TM9SF4: variants seen among roughly 807,000 people sequenced by gnomAD.
TM9SF4 encodes dinucleotide oxidase disulfide thiol exchanger 3 superfamily member 4.
Under a neutral mutation model 90.4 loss-of-function variants are expected in TM9SF4, and 26 were observed. The observed-to-expected ratio is 0.29, with a 90% CI of 0.21 to 0.40. The LOEUF (loss-of-function observed/expected upper bound fraction) is 0.40, where lower values mean the gene tolerates loss of function less well. TM9SF4 is among the 10% of genes least tolerant of loss of function. The pLI, the probability that TM9SF4 is intolerant of heterozygous loss-of-function variation, is 1.00. For missense variants in TM9SF4, 549 were observed against 834.8 expected, an observed-to-expected ratio of 0.66 and a Z score of 4.22; for synonymous variants, 293 against 315.4, an observed-to-expected ratio of 0.93 and a Z score of 0.75.
At position 32,141,897 on chromosome 20, in the gene TM9SF4, TAG is replaced by T. The variant is rs759354402; in HGVS notation, c.528+5_528+6del. ...CTCGGCTTCACAGATGTCAACAAGG[TAG>T]AGTGTCTTTGGCGTGCTCACAGGAC... On this transcript the variant is annotated splice_donor_region_variant and intron_variant, in intron 5 of 17. Coordinates refer to ENST00000398022, the MANE Select transcript of TM9SF4 (RefSeq NM_014742.4). The T allele has an allele frequency of 5.0e-6, 8 of 1,613,670 alleles. No homozygotes were observed. The highest frequency in any genetic ancestry group is 6.8e-6 in the Non-Finnish European group (8 of 1,179,850).
intron 9 of TM9SF4, 81 bp from the exon 10 acceptor site, chr20:32,149,553 T>G: frequency 6.3e-7 from 1 of 1,596,606 alleles, no homozygotes; most frequent in Non-Finnish European, 8.6e-7. Context: ...CCTGAGGGTG[T>G]CAGCTGTCAC....
At chr20:32,127,582 CTTG>C (rs1303666317) in intron 1 of TM9SF4, among the ~76,000 whole-genome samples, 3 of 152,086 alleles carry the variant, frequency 2.0e-5, no homozygotes, top group South Asian at 2.1e-4. Flanking sequence ...ACTCTGGCTT[CTTG>C]TTGTTTTTTG....
chr20:32,164,704 C>T (rs1005641038), intron 17 of TM9SF4, among the ~76,000 whole-genome samples: 2 of 152,178 alleles, frequency 1.3e-5, no homozygotes, highest in Non-Finnish European at 2.9e-5. Flanking sequence ...CCTACTCAGG[C>T]CCTGGGCATA....
intron 3 of TM9SF4, among the ~76,000 whole-genome samples, chr20:32,139,766 A>G (rs1234630768): frequency 1.3e-5 from 2 of 152,204 alleles, no homozygotes; most frequent in Non-Finnish European, 2.9e-5. Flanking sequence ...TCTGCAGCTC[A>G]TCTGAGCCTT....
chr20:32,144,457 A>G (rs1015552390), intron 6 of TM9SF4, among the ~76,000 whole-genome samples: 8 of 152,208 alleles, frequency 5.3e-5, no homozygotes. Flanking sequence ...TTTTATGTTG[A>G]ATGGGACTGG....
At chr20:32,129,059 C>CA (rs1216302183) in intron 1 of TM9SF4, among the ~76,000 whole-genome samples, 3 of 150,724 alleles carry the variant, frequency 2.0e-5, no homozygotes, top group Admixed American at 6.6e-5. Flanking sequence ...TATAGATACA[C>CA]AAAAAAGGAA....
chr20:32,123,866 A>ATTTTTTTTTTTTTTTTT (rs1165240152), intron 1 of TM9SF4, among the ~76,000 whole-genome samples: 1 of 93,962 alleles, frequency 1.1e-5, no homozygotes, highest in African/African-American at 4.5e-5. Context: ...ATATATATAT[A>ATTTTTTTTTTTTTTTTT]TTTTTTTTTT....
chr20:32,156,227 TTATA>T (rs550371620), intron 13 of TM9SF4, among the ~76,000 whole-genome samples: 2 of 152,154 alleles, frequency 1.3e-5, no homozygotes, highest in African/African-American at 4.8e-5. Flanking sequence ...TCTAAACACT[TTATA>T]TATATATTTC....
intron 3 of TM9SF4, among the ~76,000 whole-genome samples, chr20:32,139,671 C>A (rs2046643320): frequency 6.6e-6 from 1 of 152,216 alleles, no homozygotes; most frequent in Non-Finnish European, 1.5e-5. Context: ...CTGTTAGAAA[C>A]CTTCATTGGA....
intron 1 of TM9SF4, among the ~76,000 whole-genome samples, chr20:32,114,803 G>T (rs1254714765): frequency 6.6e-6 from 1 of 152,232 alleles, no homozygotes; most frequent in East Asian, 1.9e-4. Flanking sequence ...GAACGCTGGA[G>T]CAGGAGCCAG....
chr20:32,110,325 C>A (rs1054811178), intron 1 of TM9SF4, among the ~76,000 whole-genome samples: 1 of 152,130 alleles, frequency 6.6e-6, no homozygotes, highest in Non-Finnish European at 1.5e-5. Flanking sequence ...CTACCCCACC[C>A]CCATCTTTCA....
At chr20:32,142,782 G>C (rs556692939) in intron 5 of TM9SF4, among the ~76,000 whole-genome samples, 200 bp from the exon 6 acceptor site, 27 of 152,338 alleles carry the variant, frequency 1.8e-4, no homozygotes, top group South Asian at 6.2e-4. Flanking sequence ...AGAAGGCCTT[G>C]AATGCCAGAC....
At chr20:32,121,627 C>T (rs2046308938) in intron 1 of TM9SF4, among the ~76,000 whole-genome samples, 1 of 152,162 alleles carries the variant, frequency 6.6e-6, no homozygotes, top group Admixed American at 6.5e-5. Context: ...AGGCAACCAT[C>T]CGATTTCTCG....
At chr20:32,144,289 G>T (rs2046727574) in intron 6 of TM9SF4, among the ~76,000 whole-genome samples, 1 of 152,176 alleles carries the variant, frequency 6.6e-6, no homozygotes, top group East Asian at 1.9e-4. Flanking sequence ...GCCCATAGTT[G>T]GTGCTTATTA....
intron 12 of TM9SF4, 54 bp downstream of exon 12, chr20:32,150,929 G>GA: frequency 6.3e-7 from 1 of 1,595,106 alleles, no homozygotes; most frequent in Non-Finnish European, 8.6e-7. Context: ...GCTTCTTCCT[G>GA]GGCTCCTCAG....
chr20:32,158,403 T>C (rs1247486933), intron 14 of TM9SF4, 48 bp from the exon 15 acceptor site: 1 of 1,601,434 alleles, frequency 6.2e-7, no homozygotes, highest in Admixed American at 1.7e-5. Context: ...GCTTGGGGCT[T>C]CCTGGTGGCC....
In TM9SF4 at chr20:32,165,412, C is replaced by G; in HGVS notation, c.1897C>G (p.Arg633Gly). 6.2e-7 allele frequency: 1 copy of G among 1,614,158 alleles called. No individual in the cohort carries two copies. The highest frequency in any genetic ancestry group is 8.5e-7 in the Non-Finnish European group (1 of 1,180,044). Residue 633 changes from arginine to glycine, a missense_variant, in exon 18 of 18, where the codon CGC (arginine) becomes GGC (glycine). Coordinates refer to ENST00000398022, the MANE Select transcript of TM9SF4 (RefSeq NM_014742.4). ...IGFYAAYMFVRKIYAAVKID is the reference protein window; with the variant it reads ...IGFYAAYMFVGKIYAAVKID ...CTTCTATGCAGCCTACATGTTTGTTCGCAAGATCTATGCTGCTGTGAAGAT... is the reference window on the plus strand; with the variant it reads ...CTTCTATGCAGCCTACATGTTTGTTGGCAAGATCTATGCTGCTGTGAAGAT...
chr20:32,155,502 TGTGA>T (rs1165835800), intron 13 of TM9SF4, among the ~76,000 whole-genome samples: 9 of 152,302 alleles, frequency 5.9e-5, no homozygotes, highest in Admixed American at 3.3e-4. Context: ...AGCTGCCCAG[TGTGA>T]GTTTATTAGG....
chr20:32,151,014 C>G, intron 12 of TM9SF4, 139 bp downstream of exon 12: 1 of 1,030,602 alleles, frequency 9.7e-7, no homozygotes, highest in Non-Finnish European at 1.4e-6. Flanking sequence ...AGGAGCAGCA[C>G]AGGTCCAAGG....
Sources: allele counts gnomAD v4.1 joint callset (sites outside exome capture counted in the v4.1 genomes callset), GRCh38; gene constraint gnomAD v4.1.1; transcripts MANE v1.5; gene names NCBI Gene and HGNC (gene_info 2026-07-23, HGNC 2026-07-21).